TTC23L: variants seen among roughly 807,000 people sequenced by gnomAD.
TTC23L encodes the protein tetratricopeptide repeat protein 23-like.
A neutral mutation model predicts 48.1 loss-of-function variants in TTC23L; 42 were observed. That is an observed-to-expected ratio of 0.87 (90% CI 0.68 to 1.13). The LOEUF (loss-of-function observed/expected upper bound fraction) is 1.13, where lower values mean the gene tolerates loss of function less well. TTC23L is among the 50% of genes most tolerant of loss of function. TTC23L has a pLI of 0.00. For missense variants in TTC23L, 391 were observed against 421.0 expected (o/e 0.93, Z 0.62); for synonymous variants, 159 against 157.2 (o/e 1.01, Z -0.09).
intron 9 of TTC23L, among the ~76,000 whole-genome samples, chr5:34,887,473 T>G (rs1762611180): frequency 6.6e-6 from 1 of 151,988 alleles, no homozygotes; most frequent in Non-Finnish European, 1.5e-5. Context: ...TAACATGGAG[T>G]GATACTGGAG....
chr5:34,840,571 G>A (rs1758564883), intron 1 of TTC23L, 94 bp from the exon 2 acceptor site: 1 of 1,049,562 alleles, frequency 9.5e-7, no homozygotes, highest in Non-Finnish European at 1.5e-6. Flanking sequence ...TATTTGAGCA[G>A]TTTTAGTTTA....
At chr5:34,857,102 T>C (rs1415253558) in intron 4 of TTC23L, among the ~76,000 whole-genome samples, 2 of 152,214 alleles carry the variant, frequency 1.3e-5, no homozygotes, top group East Asian at 3.8e-4. Context: ...TAAAAGTTGG[T>C]TCGCTTGTTA....
At chr5:34,906,422 TG>T in the TTC23L span, 32 of 152,230 alleles carry the variant, frequency 2.1e-4, no homozygotes, top group Middle Eastern at 3.4e-3. Context: ...GTGGATTGCT[TG>T]AGCTCAGGAG....
intron 4 of TTC23L, among the ~76,000 whole-genome samples, chr5:34,854,049 A>C (rs933798434): frequency 1.3e-5 from 2 of 152,228 alleles, no homozygotes; most frequent in Non-Finnish European, 2.9e-5. Flanking sequence ...AATGAGCCAC[A>C]AACTGCCTTT....
the TTC23L span, among the ~76,000 whole-genome samples, chr5:34,909,510 A>T: frequency 6.6e-6 from 1 of 152,242 alleles, no homozygotes; most frequent in African/African-American, 2.4e-5. Context: ...GTACCATAAT[A>T]AAGCTCCCAC....
At chr5:34,839,230 G>C (rs1019345419) in exon 1 of TTC23L, 8 of 152,762 alleles carry the variant, frequency 5.2e-5, no homozygotes. Flanking sequence ...TGCAGCTTTC[G>C]CGAGGCACCG....
the TTC23L span, among the ~76,000 whole-genome samples, chr5:34,924,569 T>C: frequency 6.6e-6 from 1 of 152,242 alleles, no homozygotes; most frequent in Non-Finnish European, 1.5e-5. Context: ...AACCAGTTTT[T>C]CAAGGATATA....
At chr5:34,912,818 G>A in the TTC23L span, among the ~76,000 whole-genome samples, 1 of 152,146 alleles carries the variant, frequency 6.6e-6, no homozygotes, top group Non-Finnish European at 1.5e-5. Context: ...TGGCTAATAT[G>A]GTGAAACCCC....
intron 9 of TTC23L, among the ~76,000 whole-genome samples, chr5:34,886,566 T>G (rs1762556164): frequency 6.6e-6 from 1 of 152,146 alleles, no homozygotes; most frequent in Non-Finnish European, 1.5e-5. Context: ...TTGGCTGGTT[T>G]CGTTACATTT....
chr5:34,868,030 C>G (rs1761193407), intron 7 of TTC23L: 1 of 152,218 alleles, frequency 6.6e-6, no homozygotes, highest in Non-Finnish European at 1.5e-5. Flanking sequence ...AATGCTTTTT[C>G]TACGTTCCCT....
intron 8 of TTC23L, among the ~76,000 whole-genome samples, chr5:34,879,841 C>A (rs1762099597): frequency 6.6e-6 from 1 of 152,030 alleles, no homozygotes; most frequent in Non-Finnish European, 1.5e-5. Flanking sequence ...ACTAAAAATA[C>A]AAAAATTAGC....
At chr5:34,897,393 T>TA (rs1032240949) in intron 10 of TTC23L, among the ~76,000 whole-genome samples, 20 of 148,210 alleles carry the variant, frequency 1.3e-4, no homozygotes, top group South Asian at 4.3e-4. Context: ...TAAAGAAAAA[T>TA]AAAAAAAAAA....
intron 9 of TTC23L, among the ~76,000 whole-genome samples, chr5:34,895,180 G>A (rs1231085242): frequency 6.6e-6 from 1 of 152,156 alleles, no homozygotes; most frequent in African/African-American, 2.4e-5. Flanking sequence ...GAATGTAGTA[G>A]TTAAGGTCAT....
the TTC23L span, among the ~76,000 whole-genome samples, chr5:34,917,437 G>C: frequency 6.6e-6 from 1 of 151,628 alleles, no homozygotes; most frequent in Non-Finnish European, 1.5e-5. Context: ...TTCAAGACCA[G>C]CCTGGCCAAG....
chr5:34,880,645 CTTT>C (rs34549849), intron 9 of TTC23L: 437 of 365,916 alleles, frequency 1.2e-3, no homozygotes, highest in East Asian at 2.3e-3. Flanking sequence ...CTCTGACAAA[CTTT>C]TTTTTTTTTT....
intron 4 of TTC23L, among the ~76,000 whole-genome samples, chr5:34,853,509 G>A (rs563563683): frequency 6.6e-5 from 10 of 152,198 alleles, no homozygotes; most frequent in Admixed American, 3.3e-4. Flanking sequence ...CAGCCTGGGC[G>A]ACAGAGCGAG....
intron 4 of TTC23L, among the ~76,000 whole-genome samples, chr5:34,861,979 G>A (rs1227987930): frequency 6.6e-6 from 1 of 152,158 alleles, no homozygotes; most frequent in Non-Finnish European, 1.5e-5. Flanking sequence ...TGGAAAGGGG[G>A]ATGCCCTTTC....
intron 9 of TTC23L, among the ~76,000 whole-genome samples, chr5:34,891,033 T>C (rs1762835725): frequency 6.6e-6 from 1 of 152,188 alleles, no homozygotes; most frequent in Admixed American, 6.5e-5. Flanking sequence ...TTTCTGAAAG[T>C]TAATGAGATG....
intron 8 of TTC23L, among the ~76,000 whole-genome samples, chr5:34,871,891 A>G (rs1230483783): frequency 6.6e-6 from 1 of 152,210 alleles, no homozygotes; most frequent in African/African-American, 2.4e-5. Context: ...TGGATACCAC[A>G]TGCCAAAAAA....
Sources: allele counts gnomAD v4.1 joint callset (sites outside exome capture counted in the v4.1 genomes callset), GRCh38; gene constraint gnomAD v4.1.1; transcripts MANE v1.5; gene names NCBI Gene and HGNC (gene_info 2026-07-23, HGNC 2026-07-21).